Variants in UPF3B observed in about 807,000 individuals in gnomAD.
The protein encoded by UPF3B is regulator of nonsense transcripts 3B.
A neutral mutation model predicts 40.3 loss-of-function variants in UPF3B; 7 were observed. That is an observed-to-expected ratio of 0.17 (90% confidence interval 0.10 to 0.33). The LOEUF (loss-of-function observed/expected upper bound fraction) is 0.33. Ranked by LOEUF, UPF3B falls within the 10% of genes least tolerant of loss-of-function variation. UPF3B has a pLI of 1.00. For missense variants in UPF3B, 229 were observed against 358.9 expected, an observed-to-expected ratio of 0.64 and a Z score of 2.93; for synonymous variants, 117 against 117.3, an observed-to-expected ratio of 1.00 and a Z score of 0.01.
Position 119,837,398 on chromosome X carries a change from G to A in UPF3B, c.1302+359C>T, listed in dbSNP as rs188992436. ...TGGGAGGCTGAGGCAGGTGGATCAC[G>A]AGGTCAGGAGATCAAGACCATCCTG... On this transcript the variant is annotated intron_variant, in intron 10 of 10. Coordinates refer to ENST00000276201, the MANE Select transcript of UPF3B (RefSeq NM_080632.3). 8.8e-3 allele frequency among the ~76,000 whole-genome samples: 949 copies of A among 108,273 alleles called. 17 individuals carry two copies. The highest frequency in any genetic ancestry group is 0.028 in the African/African-American group (846 of 29,933). The allele number at this position is 108,273 out of a possible 115,157, so 94.0% of individuals were successfully genotyped here. A position where few individuals can be genotyped will look rare whatever the true frequency, so the allele number is the denominator to read the frequency against.
downstream of UPF3B, among the ~76,000 whole-genome samples, chrX:119,831,077 C>G (rs2056031205): frequency 8.9e-6 from 1 of 112,538 alleles, no homozygotes; most frequent in Non-Finnish European, 1.9e-5. Context: ...TTTTCTGACA[C>G]TAAAATTAAT....
chrX:119,808,249 AGAAAG>A (rs1391733817), intron 5 of UPF3B, among the ~76,000 whole-genome samples: 2 of 111,541 alleles, frequency 1.8e-5, no homozygotes, highest in African/African-American at 6.5e-5. Context: ...CTACAACACA[AGAAAG>A]GAGAGGAAGG....
chrX:119,841,195 CTCTT>C lies in UPF3B; in HGVS notation c.684_687del (p.Arg229LysfsTer18), dbSNP rs2147787275. On this transcript the variant is annotated frameshift_variant, in exon 7 of 11. Transcript: ENST00000276201. LOFTEE classifies it high-confidence loss of function. ...TCTTTCCATTTCCTCCTCTCTTCTT[CTCTT>C]TGTCTTTTTCTTTCTATTTCTCTCC... 8.4e-7 allele frequency: 1 copy of C among 1,186,242 alleles called. No homozygotes were observed. Among genetic ancestry groups the C allele is most frequent in the Non-Finnish European group, 1.1e-6 (1 of 874,054 alleles).
At chrX:119,814,555 C>A (rs1373810046) in intron 5 of UPF3B, among the ~76,000 whole-genome samples, 1 of 110,435 alleles carries the variant, frequency 9.1e-6, no homozygotes, top group African/African-American at 3.3e-5. Context: ...TAGATCAGAA[C>A]AAGACTTCAA....
chrX:119,822,307 G>C (rs1357516071), intron 4 of UPF3B, among the ~76,000 whole-genome samples: 3 of 112,016 alleles, frequency 2.7e-5, no homozygotes, highest in Non-Finnish European at 3.8e-5. Flanking sequence ...GAAATAGATG[G>C]GAATAAAGCT....
intron 8 of UPF3B, 146 bp from the exon 9 acceptor site, chrX:119,838,673 T>G: frequency 3.6e-6 from 2 of 552,287 alleles, no homozygotes; most frequent in Non-Finnish European, 3.0e-6. Flanking sequence ...GAACAACTAG[T>G]GCATAAGAGT....
Position 119,834,131 on chromosome X carries a change from G to C in UPF3B, c.*747C>G. On this transcript the variant is annotated 3_prime_UTR_variant, in exon 11 of 11. Coordinates refer to ENST00000276201, the MANE Select transcript of UPF3B (RefSeq NM_080632.3). The stretch of plus-strand genomic sequence containing the variant: ...CTGGTGCAGTTTCCTTCCTGGAGAG[G>C]GTATGCACTCAGATCATGAGACCTA... 1.3e-6 allele frequency: 1 copy of C among 754,057 alleles called. No individual in the cohort carries two copies. The highest frequency in any genetic ancestry group is 1.6e-6 in the Non-Finnish European group (1 of 639,107). The allele number at this position is 754,057 out of a possible 1,213,427, so 62.1% of individuals were successfully genotyped here.
At chrX:119,825,100 G>GT (rs1412254572) in intron 3 of UPF3B, among the ~76,000 whole-genome samples, 1 of 111,108 alleles carries the variant, frequency 9.0e-6, no homozygotes, top group Admixed American at 9.7e-5. Flanking sequence ...GTATTAGTCC[G>GT]TTTTCACACT....
At chrX:119,820,512 T>C (rs2055906645) in intron 4 of UPF3B, among the ~76,000 whole-genome samples, 1 of 107,414 alleles carries the variant, frequency 9.3e-6, no homozygotes. Context: ...CAGGCAGGAG[T>C]GCAGGATTGA....
At chrX:119,816,958 TTTTA>T (rs1313993364) in intron 4 of UPF3B, among the ~76,000 whole-genome samples, 11 of 111,202 alleles carry the variant, frequency 9.9e-5, no homozygotes, top group Non-Finnish European at 1.7e-4. Flanking sequence ...TTTATTTTAT[TTTTA>T]TTTATTTATA....
intron 3 of UPF3B, among the ~76,000 whole-genome samples, chrX:119,846,505 T>TAAAAAA (rs780880120): frequency 8.0e-4 from 46 of 57,553 alleles, no homozygotes; most frequent in Non-Finnish European, 1.3e-3. Flanking sequence ...TCGAGCCTGG[T>TAAAAAA]AAAAAAAAAA....
At chrX:119,811,197 C>A (rs1415612064) in intron 5 of UPF3B, among the ~76,000 whole-genome samples, 1 of 110,697 alleles carries the variant, frequency 9.0e-6, no homozygotes, top group African/African-American at 3.3e-5. Flanking sequence ...CGACACAACA[C>A]ACAGCAATTT....
intron 4 of UPF3B, among the ~76,000 whole-genome samples, chrX:119,821,907 A>C (rs969661598): frequency 8.9e-6 from 1 of 112,273 alleles, no homozygotes; most frequent in African/African-American, 3.2e-5. Context: ...ATCAGAACAA[A>C]ACAAACTGAA....
chrX:119,852,570 TTTC>T (rs1381324164), intron 1 of UPF3B, among the ~76,000 whole-genome samples, 200 bp downstream of exon 1: 2 of 112,809 alleles, frequency 1.8e-5, no homozygotes, highest in African/African-American at 6.4e-5. Context: ...AGTCCCCTCT[TTTC>T]CTCACCCCCA....
chrX:119,830,590 T>C (rs1211909722), downstream of UPF3B, among the ~76,000 whole-genome samples: 1 of 110,807 alleles, frequency 9.0e-6, no homozygotes, highest in Non-Finnish European at 1.9e-5. Context: ...TAGGCATTTC[T>C]TTATAGCAAT....
chrX:119,811,042 CT>C (rs545707798), intron 5 of UPF3B, among the ~76,000 whole-genome samples: 2,914 of 101,943 alleles, frequency 0.029, 30 homozygotes, highest in African/African-American at 0.047. Context: ...TTTCCACAAA[CT>C]TTTTTTTTTT....
At chrX:119,807,936 G>A (rs1422134154) in intron 5 of UPF3B, among the ~76,000 whole-genome samples, 1 of 111,713 alleles carries the variant, frequency 9.0e-6, no homozygotes, top group African/African-American at 3.2e-5. Flanking sequence ...TGGGATTGCA[G>A]GCAGGTGCAA....
intron 3 of UPF3B, among the ~76,000 whole-genome samples, chrX:119,846,465 T>A (rs1388333612): frequency 9.9e-6 from 1 of 101,488 alleles, no homozygotes; most frequent in African/African-American, 3.7e-5. Flanking sequence ...GAGGCGGAGG[T>A]TGCAGTAAGC....
At chrX:119,825,726 G>T (rs906743090) in intron 3 of UPF3B, among the ~76,000 whole-genome samples, 1 of 111,707 alleles carries the variant, frequency 9.0e-6, no homozygotes, top group Non-Finnish European at 1.9e-5. Context: ...AGTTTATGGG[G>T]ACAATGCACC....
Sources: allele counts gnomAD v4.1 joint callset (sites outside exome capture counted in the v4.1 genomes callset), GRCh38; gene constraint gnomAD v4.1.1; transcripts MANE v1.5; gene names NCBI Gene and HGNC (gene_info 2026-07-23, HGNC 2026-07-21).